The following DYM variants were observed in gnomAD, a reference collection of about 807,000 sequenced individuals.
DYM encodes dyggve-Melchior-Clausen syndrome protein.
Under a neutral mutation model 93.1 loss-of-function variants are expected in DYM, and 78 were observed. The observed-to-expected ratio is 0.84, with a 90% CI of 0.70 to 1.01. The LOEUF is 1.01. DYM is among the 50% of genes least tolerant of loss of function. DYM has a pLI of 0.00. For missense variants in DYM, 789 were observed against 845.0 expected, an observed-to-expected ratio of 0.93 and a Z score of 0.82; for synonymous variants, 321 against 319.7, an observed-to-expected ratio of 1.00 and a Z score of -0.04.
intron 15 of DYM, among the ~76,000 whole-genome samples, chr18:49,155,954 C>A (rs1169230645): frequency 6.6e-6 from 1 of 152,172 alleles, no homozygotes; most frequent in African/African-American, 2.4e-5. Flanking sequence ...CATGTGACAA[C>A]TCTGTGTTTA....
chr18:49,209,368 T>C (rs557169526), intron 14 of DYM, among the ~76,000 whole-genome samples, 183 bp downstream of exon 14: 1 of 152,338 alleles, frequency 6.6e-6, no homozygotes, highest in East Asian at 1.9e-4. Context: ...TAATATAAAT[T>C]ACTTAAGAAG....
At chr18:49,121,110 A>G (rs1288721537) in intron 15 of DYM, among the ~76,000 whole-genome samples, 2 of 152,258 alleles carry the variant, frequency 1.3e-5, no homozygotes, top group Non-Finnish European at 2.9e-5. Context: ...AAACATTCTG[A>G]AAATATCAAA....
intron 1 of DYM, among the ~76,000 whole-genome samples, chr18:49,451,975 G>C (rs1298638291): frequency 6.6e-6 from 1 of 152,182 alleles, no homozygotes; most frequent in Non-Finnish European, 1.5e-5. Flanking sequence ...ATTTTAGATG[G>C]AAAGTATCTA....
chr18:49,294,728 T>A (rs1172140813), intron 8 of DYM, among the ~76,000 whole-genome samples: 2 of 152,274 alleles, frequency 1.3e-5, no homozygotes, highest in East Asian at 1.9e-4. Flanking sequence ...CTTGCTAAAC[T>A]ATAAATGATT....
In DYM at chr18:49,044,128, A is replaced by G; in HGVS notation, c.2102T>C (p.Leu701Pro). 1 of 1,614,230 alleles carries G rather than the reference A, an allele frequency of 6.2e-7. No homozygotes were observed. Among genetic ancestry groups the G allele is most frequent in the Non-Finnish European group, 8.5e-7 (1 of 1,180,044 alleles). ...EEFFIPYVWS[L>P]VYNSAVGLYW... ...CAGGCCGACTGCTGAGTTGTAGACA[A>G]GAGACCAGACATAGGGGATAAAAAA... The change falls in exon 18 of 18, where the codon CTT (leucine) becomes CCT (proline). Residue 701 changes from leucine (L) to proline (P), a missense_variant. Leu to Pro is a moderately conservative substitution (Grantham distance 98). Coordinates refer to ENST00000675505, the MANE Select transcript of DYM (RefSeq NM_001353214.3).
intron 3 of DYM, among the ~76,000 whole-genome samples, chr18:49,380,622 C>G (rs931305431): frequency 6.6e-6 from 1 of 152,188 alleles, no homozygotes; most frequent in Non-Finnish European, 1.5e-5. Context: ...GTTGAAGCAA[C>G]CTCTATAATC....
chr18:49,175,309 G>A (rs182904293), intron 14 of DYM, among the ~76,000 whole-genome samples: 90 of 152,090 alleles, frequency 5.9e-4, no homozygotes, highest in African/African-American at 2.0e-3. Flanking sequence ...CAATGACGTC[G>A]GTATTCTTGC....
intron 2 of DYM, among the ~76,000 whole-genome samples, chr18:49,427,771 G>C (rs2074424099): frequency 6.6e-6 from 1 of 152,148 alleles, no homozygotes; most frequent in African/African-American, 2.4e-5. Flanking sequence ...CCATACAATG[G>C]AGTATCACTC....
intron 13 of DYM, among the ~76,000 whole-genome samples, chr18:49,221,076 C>T (rs2093331411): frequency 6.6e-6 from 1 of 152,086 alleles, no homozygotes; most frequent in Admixed American, 6.5e-5. Context: ...ACAAACAACC[C>T]CATCAAAAAG....
At chr18:49,142,830 TA>T (rs1352419597) in intron 15 of DYM, among the ~76,000 whole-genome samples, 1 of 152,120 alleles carries the variant, frequency 6.6e-6, no homozygotes, top group African/African-American at 2.4e-5. Context: ...ATCATCCCCC[TA>T]ATAGGAAAGA....
intron 13 of DYM, among the ~76,000 whole-genome samples, chr18:49,228,463 C>T (rs528871515): frequency 3.0e-4 from 46 of 152,206 alleles, no homozygotes; most frequent in African/African-American, 7.2e-4. Context: ...ATTTTGCAGA[C>T]GGAAGTGAGA....
intron 13 of DYM, among the ~76,000 whole-genome samples, chr18:49,248,857 G>A (rs2144900938): frequency 6.6e-6 from 1 of 152,284 alleles, no homozygotes; most frequent in South Asian, 2.1e-4. Context: ...CACATACCAT[G>A]TATTGTAATA....
chr18:49,416,629 T>C (rs2073023830), intron 2 of DYM, among the ~76,000 whole-genome samples: 2 of 152,200 alleles, frequency 1.3e-5, no homozygotes, highest in African/African-American at 2.4e-5. Context: ...TGTAGGACTT[T>C]CCATTTCCTA....
At chr18:49,160,284 G>A (rs949384587) in intron 15 of DYM, among the ~76,000 whole-genome samples, 4 of 152,138 alleles carry the variant, frequency 2.6e-5, no homozygotes, top group African/African-American at 9.7e-5. Context: ...GAAGGTTTCA[G>A]GTTTCCCTAG....
At chr18:49,329,941 C>G (rs2063191844) in intron 8 of DYM, among the ~76,000 whole-genome samples, 2 of 152,168 alleles carry the variant, frequency 1.3e-5, no homozygotes, top group South Asian at 4.1e-4. Flanking sequence ...ACCAAAAGAT[C>G]ATCAGAAGTG....
At chr18:49,079,448 G>A (rs940980880) in intron 17 of DYM, among the ~76,000 whole-genome samples, 5 of 150,032 alleles carry the variant, frequency 3.3e-5, no homozygotes, top group African/African-American at 7.4e-5. Context: ...GGAGTTTCTC[G>A]CAGAGGGGGA....
chr18:49,325,422 T>C (rs957638267), intron 8 of DYM, among the ~76,000 whole-genome samples: 6 of 152,224 alleles, frequency 3.9e-5, no homozygotes, highest in Non-Finnish European at 8.8e-5. Context: ...AATTAAAATG[T>C]GCTACTCCTC....
chr18:49,059,657 T>C (rs936761941), intron 17 of DYM, among the ~76,000 whole-genome samples: 1 of 151,944 alleles, frequency 6.6e-6, no homozygotes, highest in African/African-American at 2.4e-5. Context: ...CTACACAGTG[T>C]GGTGGTATGA....
intron 1 of DYM, among the ~76,000 whole-genome samples, chr18:49,434,071 C>T (rs764612120): frequency 1.8e-4 from 28 of 151,930 alleles, no homozygotes; most frequent in Non-Finnish European, 3.1e-4. Context: ...TTAGGCTGGG[C>T]GCGGTGGCTC....
Sources: allele counts gnomAD v4.1 joint callset (sites outside exome capture counted in the v4.1 genomes callset), GRCh38; gene constraint gnomAD v4.1.1; transcripts MANE v1.5; gene names NCBI Gene and HGNC (gene_info 2026-07-23, HGNC 2026-07-21).